CDHR1: variants seen among roughly 807,000 people sequenced by gnomAD.
CDHR1 encodes the protein cadherin-related family member 1.
A neutral mutation model predicts 72.1 loss-of-function variants in CDHR1; 61 were observed. That is an observed-to-expected ratio of 0.85 (90% CI 0.69 to 1.05). The LOEUF is 1.05. Among genes scored for constraint, CDHR1 ranks in the 50% least tolerant of loss-of-function variants. CDHR1 has a pLI of 0.00. For missense variants in CDHR1, 1,186 were observed against 1,115.7 expected, an observed-to-expected ratio of 1.06 and a Z score of -0.90; for synonymous variants, 470 against 448.1, an observed-to-expected ratio of 1.05 and a Z score of -0.62.
chr10:84,201,840 A>G lies in CDHR1; in HGVS notation c.559A>G (p.Ser187Gly), dbSNP rs1457616491. ...CTCCCCATTTGCCGTGGACCGCCAC[A>G]GCGGTGTGCTGCGCCTCCAGGCTGG... Reference protein sequence around the residue: ...LHSPFAVDRHSGVLRLQAGAT... With the variant: ...LHSPFAVDRHGGVLRLQAGAT... The change falls in exon 7 of 17, where the codon AGC becomes GGC. Residue 187 changes from serine (S) to glycine (G), a missense_variant. Ser to Gly is a moderately conservative substitution (Grantham distance 56, BLOSUM62 0). Coordinates refer to ENST00000623527, the MANE Select transcript of CDHR1 (RefSeq NM_033100.4). 6.2e-7 allele frequency: 1 copy of G among 1,610,426 alleles called. No individual in the cohort carries two copies. The highest frequency in any genetic ancestry group is 1.3e-5 in the African/African-American group (1 of 75,070).
chr10:84,207,182 C>T (rs1842241277), intron 10 of CDHR1, among the ~76,000 whole-genome samples: 1 of 152,000 alleles, frequency 6.6e-6, no homozygotes, highest in Non-Finnish European at 1.5e-5. Flanking sequence ...GGAATAAAAG[C>T]ACCCAGAGGA....
chr10:84,202,855 C>G, intron 7 of CDHR1, 125 bp from the exon 8 acceptor site: 1 of 1,050,744 alleles, frequency 9.5e-7, no homozygotes, highest in East Asian at 2.5e-5. Context: ...CAGAAGCAAA[C>G]AGAAACTTGG....
chr10:84,210,809 G>C (rs1194157278), intron 12 of CDHR1, among the ~76,000 whole-genome samples, 192 bp from the exon 13 acceptor site: 2 of 152,172 alleles, frequency 1.3e-5, no homozygotes, highest in South Asian at 4.1e-4. Context: ...AGCATTACAA[G>C]CCAATTGACG....
intron 12 of CDHR1, among the ~76,000 whole-genome samples, chr10:84,209,729 C>G (rs1261819122): frequency 1.3e-5 from 2 of 151,292 alleles, no homozygotes; most frequent in Admixed American, 1.3e-4. Context: ...AGTAGTTTTC[C>G]TACATACAAA....
intron 11 of CDHR1, 69 bp downstream of exon 11, chr10:84,208,446 G>T (rs1842269765): frequency 6.6e-7 from 1 of 1,525,596 alleles, no homozygotes; most frequent in African/African-American, 1.4e-5. Context: ...AAGCTAAGTG[G>T]GTCTGCATCA....
At chr10:84,204,364 G>T (rs532461843) in intron 8 of CDHR1, among the ~76,000 whole-genome samples, 163 bp from the exon 9 acceptor site, 5 of 152,132 alleles carry the variant, frequency 3.3e-5, no homozygotes, top group African/African-American at 1.2e-4. Context: ...TGGGTGCTTC[G>T]ATCCCCCTGC....
At position 84,205,667 on chromosome 10, in the gene CDHR1, C is replaced by T. The variant is rs1255373559; in HGVS notation, c.863-160C>T. 2.7e-4 allele frequency: 186 copies of T among 684,524 alleles called. 1 individual carries two copies. The highest frequency in any genetic ancestry group is 7.7e-5 in the Non-Finnish European group (29 of 376,492). The allele number at this position is 684,524 out of a possible 1,614,324, so 42.4% of individuals were successfully genotyped here. ...TAACTGTGTAGCCTTAGACAAGTTA[C>T]TTAGCCCCTCTGAGACTGTTTCCAT... is the stretch of plus-strand genomic sequence containing the variant. On this transcript the variant is annotated intron_variant, in intron 9 of 16. Coordinates refer to ENST00000623527, the MANE Select transcript of CDHR1 (RefSeq NM_033100.4).
chr10:84,199,912 C>T (rs984789191), intron 5 of CDHR1, among the ~76,000 whole-genome samples: 6 of 152,194 alleles, frequency 3.9e-5, no homozygotes, highest in African/African-American at 1.4e-4. Flanking sequence ...GTGGCTCACA[C>T]CTGTAATCCC....
intron 14 of CDHR1, 35 bp from the exon 15 acceptor site, chr10:84,212,144 C>A (rs112390023): frequency 2.7e-6 from 4 of 1,507,000 alleles, no homozygotes; most frequent in Non-Finnish European, 3.7e-6. Context: ...TGTGTATATG[C>A]GTGCACACCC....
chr10:84,201,219 C>T (rs1842118888), intron 6 of CDHR1, among the ~76,000 whole-genome samples: 1 of 152,168 alleles, frequency 6.6e-6, no homozygotes, highest in Non-Finnish European at 1.5e-5. Flanking sequence ...TTCCATTGTT[C>T]TGAAAACTAC....
intron 14 of CDHR1, 140 bp from the exon 15 acceptor site, chr10:84,212,039 G>C (rs138921682): frequency 1.3e-6 from 1 of 763,726 alleles, no homozygotes; most frequent in East Asian, 2.6e-5. Flanking sequence ...AAGGATAGGA[G>C]GGAGCAGGTA....
intron 3 of CDHR1, among the ~76,000 whole-genome samples, chr10:84,197,085 G>A (rs1004776472): frequency 1.3e-5 from 2 of 152,192 alleles, no homozygotes; most frequent in Non-Finnish European, 2.9e-5. Context: ...CTACACACTT[G>A]AGAACTTGCA....
At chr10:84,200,544 C>A in intron 5 of CDHR1, 57 bp from the exon 6 acceptor site, 1 of 1,213,456 alleles carries the variant, frequency 8.2e-7, no homozygotes, top group Non-Finnish European at 1.2e-6. Flanking sequence ...ATGCCTCTGT[C>A]CCCCTGAGAA....
rs1842276140 is a variant in CDHR1, at chr10:84,208,742, A to G, written c.1181A>G (p.Lys394Arg). Residue 394 changes from lysine (K) to arginine (R), a missense_variant, in exon 12 of 17, where the codon AAA (lysine) becomes AGA (arginine). Transcript: ENST00000623527. ...CAAATTCTCTAGGGAGCCAATGCCA[A>G]ATTCAACTTGCAGCTGGTGGGACCC... is the stretch of plus-strand genomic sequence containing the variant. ...VNDSDQGANA[K>R]FNLQLVGPRG... 1.9e-6 allele frequency: 3 copies of G among 1,614,222 alleles called. No homozygotes were observed. Among genetic ancestry groups the G allele is most frequent in the Middle Eastern group, 3.3e-4 (2 of 6,062 alleles).
Position 84,214,673 on chromosome 10 carries a change from T to C in CDHR1, c.*52T>C, listed in dbSNP as rs1350367945. 1 of 1,467,076 alleles carries C rather than the reference T, an allele frequency of 6.8e-7. No homozygotes were observed. Among genetic ancestry groups the C allele is most frequent in the Admixed American group, 1.7e-5 (1 of 58,830 alleles). The allele number at this position is 1,467,076 out of a possible 1,614,324, so 90.9% of individuals were successfully genotyped here. On this transcript the variant is annotated 3_prime_UTR_variant, in exon 17 of 17. Coordinates refer to ENST00000623527, the MANE Select transcript of CDHR1 (RefSeq NM_033100.4). The stretch of plus-strand genomic sequence containing the variant: ...CCTCCGCCCCTGACCCCCACCACCC[T>C]GCTGCTCGGACTATGCTCCCCTTCC...
At chr10:84,198,918 G>GAC (rs917207220) in intron 4 of CDHR1, 114 bp from the exon 5 acceptor site, 51 of 800,014 alleles carry the variant, frequency 6.4e-5, no homozygotes, top group South Asian at 1.3e-4. Context: ...GAGAGAGAGA[G>GAC]AGAGAGAGGA....
chr10:84,219,468 T>C, downstream of CDHR1: 1 of 935,296 alleles, frequency 1.1e-6, no homozygotes, highest in Non-Finnish European at 1.5e-6. Flanking sequence ...AAGCTTCTTT[T>C]GCTTGGCTTG....
rs1842335418 is a variant in CDHR1, at chr10:84,211,712, A to T, written c.1550A>T (p.Asp517Val). ...VKYSTYGTGA[D>V]LFLIHPSTGL... ...TATTCCACCTATGGGACTGGGGCAG[A>T]CCTGTAAGTAGATCCAGAATCCAGG... is the stretch of plus-strand genomic sequence containing the variant. Residue 517 changes from aspartate to valine, a missense_variant, in exon 14 of 17, where the codon GAC becomes GTC. Asp to Val is a radical substitution (Grantham distance 152, BLOSUM62 -3). Transcript: ENST00000623527. 1 of 1,613,210 alleles carries T rather than the reference A, an allele frequency of 6.2e-7. No homozygotes were observed. Among genetic ancestry groups the T allele is most frequent in the Non-Finnish European group, 8.5e-7 (1 of 1,179,244 alleles).
At chr10:84,203,194 A>AC in intron 8 of CDHR1, 71 bp downstream of exon 8, 3 of 1,593,622 alleles carry the variant, frequency 1.9e-6, no homozygotes, top group East Asian at 2.2e-5. Context: ...GATTTTAGGG[A>AC]CCCCCTGCTG....
Sources: allele counts gnomAD v4.1 joint callset (sites outside exome capture counted in the v4.1 genomes callset), GRCh38; gene constraint gnomAD v4.1.1; transcripts MANE v1.5; gene names NCBI Gene and HGNC (gene_info 2026-07-23, HGNC 2026-07-21).